The following UBL3 variants were observed in gnomAD, a reference collection of about 807,000 sequenced individuals.
The protein encoded by UBL3 is ubiquitin like 3, also known as ubiquitin-like protein 3.
In UBL3, 6 loss-of-function variants were observed where a neutral mutation model predicts 18.4. The observed-to-expected ratio is 0.33, with a 90% CI of 0.18 to 0.64. UBL3 has a LOEUF of 0.64. Ranked by LOEUF, UBL3 falls within the 30% of genes least tolerant of loss-of-function variation. UBL3 has a pLI of 0.76. For missense variants in UBL3, 109 were observed against 142.9 expected, an observed-to-expected ratio of 0.76 and a Z score of 1.21; for synonymous variants, 49 against 46.6, an observed-to-expected ratio of 1.05 and a Z score of -0.21.
At chr13:29,780,748 T>C (rs1173484399) in intron 1 of UBL3, among the ~76,000 whole-genome samples, 1 of 152,138 alleles carries the variant, frequency 6.6e-6, no homozygotes, top group East Asian at 1.9e-4. Flanking sequence ...CAGTGACAAA[T>C]TTTTCTACTT....
chr13:29,821,968 T>A (rs577619044), intron 1 of UBL3, among the ~76,000 whole-genome samples: 27 of 152,292 alleles, frequency 1.8e-4, no homozygotes, highest in African/African-American at 6.5e-4. Context: ...AATTAGAAGA[T>A]CCAGAAACTT....
chr13:29,785,566 G>A (rs976972838), intron 1 of UBL3, among the ~76,000 whole-genome samples: 3 of 152,050 alleles, frequency 2.0e-5, no homozygotes, highest in Admixed American at 2.0e-4. Flanking sequence ...GGCATATTTT[G>A]AATTTTTGCT....
In UBL3 at chr13:29,772,119, T is replaced by C; in HGVS notation, c.216A>G (p.Thr72=). The change falls in exon 3 of 5, where the codon ACA becomes ACG. Residue 72 remains threonine (T), a synonymous_variant. Transcript: ENST00000380680. ...YQGRFLHGNV[T]LGALKLPFGK... Reference sequence around the variant, plus strand: ...TACAAAGGTGGCTGTTACCTCCTAATGTGACATTTCCATGTAGAAATCGTC... The same window carrying C: ...TACAAAGGTGGCTGTTACCTCCTAACGTGACATTTCCATGTAGAAATCGTC... 1.2e-6 allele frequency: 2 copies of C among 1,611,516 alleles called. No individual in the cohort carries two copies. Among genetic ancestry groups the C allele is most frequent in the African/African-American group, 1.3e-5 (1 of 74,946 alleles).
At chr13:29,784,580 C>A (rs1163458142) in intron 1 of UBL3, among the ~76,000 whole-genome samples, 68 of 147,900 alleles carry the variant, frequency 4.6e-4, no homozygotes, top group African/African-American at 1.3e-3. Flanking sequence ...AAAAAAAAAA[C>A]AACTCCCGAC....
intron 1 of UBL3, among the ~76,000 whole-genome samples, chr13:29,838,256 A>G (rs971788028): frequency 5.3e-5 from 8 of 152,308 alleles, no homozygotes; most frequent in African/African-American, 1.9e-4. Context: ...AAATGAACAC[A>G]TTTTCAGGCA....
Position 29,849,501 on chromosome 13 carries a change from C to A in UBL3, c.27+11G>T. 1.2e-6 allele frequency: 2 copies of A among 1,614,080 alleles called. No homozygotes were observed. Among genetic ancestry groups the A allele is most frequent in the Non-Finnish European group, 1.7e-6 (2 of 1,180,042 alleles). On this transcript the variant is annotated intron_variant, in intron 1 of 4. Coordinates refer to ENST00000380680, the MANE Select transcript of UBL3 (RefSeq NM_007106.4). ...CAATTAAATCAGTGTCATAACTTATCCGTCACTTACCATATCCGCCGGGAC... is the reference window on the plus strand; with the variant it reads ...CAATTAAATCAGTGTCATAACTTATACGTCACTTACCATATCCGCCGGGAC...
chr13:29,767,374 A>C, intron 4 of UBL3, 67 bp from the exon 5 acceptor site: 1 of 1,580,254 alleles, frequency 6.3e-7, no homozygotes, highest in Non-Finnish European at 8.7e-7. Flanking sequence ...TGGGCTAGGC[A>C]ATCAAGTGTA....
intron 4 of UBL3, 79 bp from the exon 5 acceptor site, chr13:29,767,386 G>A (rs1178033796): frequency 3.9e-6 from 6 of 1,521,242 alleles, no homozygotes; most frequent in Non-Finnish European, 5.4e-6. Flanking sequence ...TCAAGTGTAG[G>A]AAGTAGTAGT....
At chr13:29,787,010 C>G (rs1877338194) in intron 1 of UBL3, among the ~76,000 whole-genome samples, 1 of 152,124 alleles carries the variant, frequency 6.6e-6, no homozygotes, top group African/African-American at 2.4e-5. Context: ...AAACTACATT[C>G]CAAAGCAACA....
Position 29,773,903 on chromosome 13 carries a change from C to T in UBL3, c.137-1705G>A, listed in dbSNP as rs150389386. On this transcript the variant is annotated intron_variant, in intron 2 of 4. Coordinates refer to ENST00000380680, the MANE Select transcript of UBL3 (RefSeq NM_007106.4). ...TAATTCCTTCAACAAGTATGTTGCACGAAGTATTTTCTGCTATTAATATTT... is the reference window on the plus strand; with the variant it reads ...TAATTCCTTCAACAAGTATGTTGCATGAAGTATTTTCTGCTATTAATATTT... 3.2e-4 allele frequency among the ~76,000 whole-genome samples: 49 copies of T among 152,072 alleles called. No homozygotes were observed. The South Asian group carries it at 1.0e-2, about 31-fold the overall frequency.
chr13:29,801,182 G>A (rs1877754016), intron 1 of UBL3, among the ~76,000 whole-genome samples: 1 of 152,154 alleles, frequency 6.6e-6, no homozygotes, highest in Non-Finnish European at 1.5e-5. Flanking sequence ...ACTCTGGCAT[G>A]CCACAGCCAC....
chr13:29,775,894 G>A (rs1246651420), intron 2 of UBL3, among the ~76,000 whole-genome samples: 3 of 151,948 alleles, frequency 2.0e-5, no homozygotes, highest in African/African-American at 7.3e-5. Flanking sequence ...TGGGATTATA[G>A]ACGTGAGCCA....
Position 29,765,527 on chromosome 13 carries a change from TAAGA to T in UBL3, c.*1724_*1727del, listed in dbSNP as rs1205162214. The T allele has an allele frequency of 6.6e-6, 1 of 152,318 alleles. No individual in the cohort carries two copies. Among genetic ancestry groups the T allele is most frequent in the Non-Finnish European group, 1.5e-5 (1 of 67,972 alleles). The allele number at this position is 152,318 out of a possible 1,614,324, so 9.4% of individuals were successfully genotyped here. A position where few individuals can be genotyped will look rare whatever the true frequency, so the allele number is the denominator to read the frequency against. Reference sequence around the variant, plus strand: ...ATTAATTAAATGAATTTTAAAAGCTTAAGAAATGAAAGTAGAAAACATGAATGAG... The same window carrying T: ...ATTAATTAAATGAATTTTAAAAGCTTAATGAAAGTAGAAAACATGAATGAG... On this transcript the variant is annotated 3_prime_UTR_variant, in exon 5 of 5. Coordinates refer to ENST00000380680, the MANE Select transcript of UBL3 (RefSeq NM_007106.4).
At chr13:29,836,002 A>G (rs1878953493) in intron 1 of UBL3, among the ~76,000 whole-genome samples, 1 of 152,142 alleles carries the variant, frequency 6.6e-6, no homozygotes, top group Non-Finnish European at 1.5e-5. Context: ...AATGGAAAAC[A>G]CTCAAGGTAT....
At chr13:29,774,999 C>T (rs1054656690) in intron 2 of UBL3, among the ~76,000 whole-genome samples, 1 of 152,120 alleles carries the variant, frequency 6.6e-6, no homozygotes, top group African/African-American at 2.4e-5. Flanking sequence ...ATGATGCATT[C>T]TACCTATGAG....
At chr13:29,842,257 A>C (rs1205727830) in intron 1 of UBL3, among the ~76,000 whole-genome samples, 2 of 150,282 alleles carry the variant, frequency 1.3e-5, no homozygotes, top group African/African-American at 2.5e-5. Flanking sequence ...TCCTGGGTTC[A>C]AGTGATTCTC....
intron 1 of UBL3, among the ~76,000 whole-genome samples, chr13:29,779,667 C>T (rs545870543): frequency 3.4e-4 from 52 of 152,192 alleles, no homozygotes; most frequent in African/African-American, 9.4e-4. Context: ...AGCTGTTAAA[C>T]GACATGAGAT....
intron 1 of UBL3, among the ~76,000 whole-genome samples, chr13:29,795,784 G>A (rs1215657629): frequency 6.7e-6 from 1 of 148,296 alleles, no homozygotes; most frequent in Non-Finnish European, 1.5e-5. Flanking sequence ...AAAAGAGAGA[G>A]AGCCATGTGT....
At chr13:29,819,397 A>G (rs955970656) in intron 1 of UBL3, among the ~76,000 whole-genome samples, 7 of 152,232 alleles carry the variant, frequency 4.6e-5, no homozygotes, top group African/African-American at 1.7e-4. Context: ...CCTGGGATAA[A>G]GAAAGATGCT....
Sources: allele counts gnomAD v4.1 joint callset (sites outside exome capture counted in the v4.1 genomes callset), GRCh38; gene constraint gnomAD v4.1.1; transcripts MANE v1.5; gene names NCBI Gene and HGNC (gene_info 2026-07-23, HGNC 2026-07-21).